The following PRRX2 variants were observed in gnomAD, a reference collection of about 807,000 sequenced individuals.
PRRX2 encodes the protein paired related homeobox 2.
Under a neutral mutation model 18.0 loss-of-function variants are expected in PRRX2, and 11 were observed. The ratio of observed to expected loss-of-function variants is 0.61; its 90% CI spans 0.39 to 1.01. The LOEUF is 1.01. Among genes scored for constraint, PRRX2 ranks in the 50% least tolerant of loss-of-function variants. PRRX2 has a pLI of 0.01. For synonymous variants in PRRX2, 177 were observed against 154.8 expected, an observed-to-expected ratio of 1.14 and a Z score of -1.06; for missense variants, 387 against 351.0, an observed-to-expected ratio of 1.10 and a Z score of -0.82.
chr9:129,674,598 A>T (rs901924757), intron 1 of PRRX2, among the ~76,000 whole-genome samples: 7 of 152,150 alleles, frequency 4.6e-5, no homozygotes, highest in Admixed American at 3.9e-4. Context: ...GGAAACTTCC[A>T]CAGAGGGACC....
At chr9:129,703,202 A>T (rs900014437) in intron 1 of PRRX2, among the ~76,000 whole-genome samples, 2 of 152,230 alleles carry the variant, frequency 1.3e-5, no homozygotes, top group Non-Finnish European at 2.9e-5. Flanking sequence ...GCTGAGACAT[A>T]GCAGGGGAGC....
At chr9:129,684,482 TCACACACACACACACACACA>T (rs71385454) in intron 1 of PRRX2, among the ~76,000 whole-genome samples, 1 of 43,246 alleles carries the variant, frequency 2.3e-5, no homozygotes, top group Non-Finnish European at 4.9e-5. Context: ...ATACCAGAAA[TCACACACACACACACACACA>T]CACACACACA....
At chr9:129,672,264 G>T (rs928929367) in intron 1 of PRRX2, among the ~76,000 whole-genome samples, 1 of 152,200 alleles carries the variant, frequency 6.6e-6, no homozygotes, top group Non-Finnish European at 1.5e-5. Flanking sequence ...GAAGGAAGGC[G>T]TGAGGGGACG....
intron 1 of PRRX2, among the ~76,000 whole-genome samples, chr9:129,686,152 G>GCACC (rs1374364365): frequency 1.3e-5 from 2 of 152,160 alleles, no homozygotes; most frequent in African/African-American, 4.8e-5. Flanking sequence ...GGGGGCAGGG[G>GCACC]CACCCAGTGA....
intron 1 of PRRX2, among the ~76,000 whole-genome samples, chr9:129,682,931 C>T (rs887515624): frequency 2.0e-5 from 3 of 151,802 alleles, no homozygotes; most frequent in East Asian, 3.9e-4. Context: ...ATGGTGAACC[C>T]CCCCCATCTC....
At chr9:129,690,233 T>G (rs553512208) in intron 1 of PRRX2, among the ~76,000 whole-genome samples, 19 of 152,174 alleles carry the variant, frequency 1.2e-4, no homozygotes, top group Non-Finnish European at 2.6e-4. Flanking sequence ...AGAGTTGGCC[T>G]AAGAGCTGGG....
Position 129,671,015 on chromosome 9 carries a change from C to T in PRRX2, c.259+4889C>T, listed in dbSNP as rs561522226. Among the ~76,000 whole-genome samples, 68 of 152,334 alleles carry T rather than the reference C, an allele frequency of 4.5e-4. No homozygotes were observed. The highest frequency in any genetic ancestry group is 1.6e-3 in the African/African-American group (67 of 41,550). ...ACCTTGGGGGTGTCATGTCACCTCT[C>T]TGTGCCTCGTTCACCACCTGAACAG... On this transcript the variant is annotated intron_variant, in intron 1 of 3. Coordinates refer to ENST00000372469, the MANE Select transcript of PRRX2 (RefSeq NM_016307.4). The surrounding 1 kb of genome is among the most constrained non-coding windows in gnomAD (Gnocchi z 4.0).
intron 1 of PRRX2, among the ~76,000 whole-genome samples, chr9:129,666,748 G>A (rs903500924): frequency 6.6e-6 from 1 of 152,212 alleles, no homozygotes; most frequent in African/African-American, 2.4e-5. Flanking sequence ...TGAGCCCTTG[G>A]TAAGAAGGGG....
chr9:129,699,067 C>A (rs1479696852), intron 1 of PRRX2, among the ~76,000 whole-genome samples: 1 of 152,220 alleles, frequency 6.6e-6, no homozygotes, highest in East Asian at 1.9e-4. Context: ...CAAAGCCAGG[C>A]TGAAGCATTT....
At position 129,671,466 on chromosome 9, in the gene PRRX2, C is replaced by T. The variant is rs1249676636; in HGVS notation, c.259+5340C>T. Reference sequence around the variant, plus strand: ...TTGCCCTTCTCTGTGAGCAGAAACTCAACAGGCTGGAGCCACCACTGTCCC... The same window carrying T: ...TTGCCCTTCTCTGTGAGCAGAAACTTAACAGGCTGGAGCCACCACTGTCCC... On this transcript the variant is annotated intron_variant, in intron 1 of 3. Transcript: ENST00000372469. The surrounding 1 kb of genome is among the most constrained non-coding windows in gnomAD (Gnocchi z 4.0). Among the ~76,000 whole-genome samples, 1 of 152,198 alleles carries T rather than the reference C, an allele frequency of 6.6e-6. No individual in the cohort carries two copies.
At chr9:129,670,468 G>A (rs1026805340) in intron 1 of PRRX2, among the ~76,000 whole-genome samples, 1 of 152,012 alleles carries the variant, frequency 6.6e-6, no homozygotes, top group Non-Finnish European at 1.5e-5. Context: ...TCCGCCTCCT[G>A]GGTTCAGGTG....
At chr9:129,721,250 C>T (rs36114184) in intron 3 of PRRX2, among the ~76,000 whole-genome samples, 2 of 151,998 alleles carry the variant, frequency 1.3e-5, no homozygotes, top group East Asian at 1.9e-4. Context: ...GAGAAACTGA[C>T]GCTGGGAGGG....
chr9:129,715,747 T>TTCTCTCTCTCTCTC lies in PRRX2; in HGVS notation c.260-3480_260-3479insTCTCTCTCTCTCTC, dbSNP rs111270890. Among the ~76,000 whole-genome samples the TTCTCTCTCTCTCTC allele has an allele frequency of 2.1e-3, 234 of 112,760 alleles. 5 individuals are homozygous for TTCTCTCTCTCTCTC. The South Asian group carries it at 0.021, about 10-fold the overall frequency. The allele number at this position is 112,760 out of a possible 152,430, so 74.0% of individuals were successfully genotyped here. ...TCCAAACCCAGCTTCAGGGACATCT[T>TTCTCTCTCTCTCTC]TCTCACACACACACACACACACACA... On this transcript the variant is annotated intron_variant, in intron 1 of 3. Coordinates refer to ENST00000372469, the MANE Select transcript of PRRX2 (RefSeq NM_016307.4). This position sits in a 1 kb window ranked among gnomAD's most constrained non-coding sequence, Gnocchi z 4.0.
intron 1 of PRRX2, among the ~76,000 whole-genome samples, chr9:129,689,175 C>T (rs1832329528): frequency 6.6e-6 from 1 of 152,144 alleles, no homozygotes; most frequent in African/African-American, 2.4e-5. Flanking sequence ...GCCTTCTCCA[C>T]CCCTAAGCTC....
intron 1 of PRRX2, among the ~76,000 whole-genome samples, chr9:129,710,750 A>C (rs926913657): frequency 6.6e-6 from 1 of 152,024 alleles, no homozygotes; most frequent in Non-Finnish European, 1.5e-5. Context: ...AAACAAAACG[A>C]AAGTCAGCTC....
At chr9:129,701,343 G>C (rs1832493525) in intron 1 of PRRX2, among the ~76,000 whole-genome samples, 1 of 152,238 alleles carries the variant, frequency 6.6e-6, no homozygotes, top group African/African-American at 2.4e-5. Flanking sequence ...CAACGCGATA[G>C]CTGATGTTAC....
chr9:129,679,680 G>A (rs1832203729), intron 1 of PRRX2, among the ~76,000 whole-genome samples: 2 of 152,348 alleles, frequency 1.3e-5, no homozygotes, highest in South Asian at 4.1e-4. Context: ...GAAGGGAAAG[G>A]TAAGAAGGTT....
At chr9:129,694,766 G>A (rs58018314) in intron 1 of PRRX2, among the ~76,000 whole-genome samples, 9,734 of 152,250 alleles carry the variant, frequency 0.064, 361 homozygotes, top group African/African-American at 0.082. Flanking sequence ...AGCTCTGTGT[G>A]TGTGTGTGTT....
chr9:129,670,995 G>A (rs565465734), intron 1 of PRRX2, among the ~76,000 whole-genome samples: 15 of 152,290 alleles, frequency 9.8e-5, no homozygotes, highest in African/African-American at 2.9e-4. Context: ...GTGTGACCTT[G>A]GGGGTGTCAT....
Sources: gnomAD v4.1 joint callset for allele counts (sites outside exome capture counted in the v4.1 genomes callset) on GRCh38, gnomAD v4.1.1 for gene constraint, Gnocchi (gnomAD v3.1) non-coding constraint, MANE v1.5 for transcripts, NCBI Gene and HGNC (gene_info 2026-07-23, HGNC 2026-07-21) for gene names.